PLCD4: variants seen among roughly 807,000 people sequenced by gnomAD.
PLCD4 encodes the protein 1-phosphatidylinositol 4,5-bisphosphate phosphodiesterase delta-4.
A neutral mutation model predicts 90.2 loss-of-function variants in PLCD4; 63 were observed. The ratio of observed to expected loss-of-function variants is 0.70; its 90% CI spans 0.57 to 0.86. PLCD4 has a LOEUF of 0.86. Among genes scored for constraint, PLCD4 ranks in the 40% least tolerant of loss-of-function variants. The pLI is 0.00. For missense variants in PLCD4, 830 were observed against 956.3 expected (o/e 0.87, Z 1.74); for synonymous variants, 294 against 356.5 (o/e 0.82, Z 1.97).
chr2:218,620,893 C>CAAAAAAAAAAAA, intron 4 of PLCD4, among the ~76,000 whole-genome samples: 1 of 61,894 alleles, frequency 1.6e-5, no homozygotes, highest in Non-Finnish European at 2.8e-5. Context: ...GACTCTGTCT[C>CAAAAAAAAAAAA]AAAAAAAAAA....
chr2:218,630,634 C>G lies in PLCD4; in HGVS notation c.1120-16C>G. The G allele has an allele frequency of 1.9e-6, 3 of 1,613,954 alleles. No homozygotes were observed. Among genetic ancestry groups the G allele is most frequent in the Non-Finnish European group, 1.7e-6 (2 of 1,179,864 alleles). The stretch of plus-strand genomic sequence containing the variant: ...TTTAGAACTCTGAATCCATTGTTCC[C>G]TCCCCTCACCACCAGACATCAGACT... On this transcript the variant is annotated splice_polypyrimidine_tract_variant and intron_variant, in intron 8 of 15. Transcript: ENST00000450993.
intron 1 of PLCD4, among the ~76,000 whole-genome samples, chr2:218,608,391 G>A (rs1695183610): frequency 1.3e-5 from 2 of 152,182 alleles, no homozygotes; most frequent in African/African-American, 4.8e-5. Flanking sequence ...GAGTAGCTAA[G>A]CTTTAGCATA....
chr2:218,609,393 A>G (rs183336074), intron 1 of PLCD4: 1 of 152,274 alleles, frequency 6.6e-6, no homozygotes, highest in Admixed American at 6.5e-5. Context: ...GAAATTGAGG[A>G]CCAAATTGCG....
intron 6 of PLCD4, among the ~76,000 whole-genome samples, chr2:218,627,705 G>C (rs1696179411): frequency 6.6e-6 from 1 of 152,068 alleles, no homozygotes; most frequent in Non-Finnish European, 1.5e-5. Context: ...GTAGAGATGG[G>C]GTTTCACCGT....
intron 4 of PLCD4, among the ~76,000 whole-genome samples, chr2:218,620,479 C>G (rs980290370): frequency 6.6e-6 from 1 of 151,520 alleles, no homozygotes; most frequent in Non-Finnish European, 1.5e-5. Flanking sequence ...CTAGCCTGGT[C>G]GACAGAGTTA....
rs1225108453 is a variant in PLCD4 at position 218,628,057 on chromosome 2, T to C, written c.801T>C (p.Asp267=). The change falls in exon 7 of 16, where the codon GAT becomes GAC. Residue 267 remains aspartate (D), a synonymous_variant. Coordinates refer to ENST00000450993, the MANE Select transcript of PLCD4 (RefSeq NM_032726.4). ...AACTGCGGCATGTGCTGAGTATGGA[T>C]GGCTTCCTCAGCTACCTCTGCTCTA... The part of the protein sequence containing the change: ...SGKLRHVLSM[D]GFLSYLCSKD... 1 of 1,613,932 alleles carries C rather than the reference T, an allele frequency of 6.2e-7. No individual in the cohort carries two copies. The highest frequency in any genetic ancestry group is 8.5e-7 in the Non-Finnish European group (1 of 1,179,856).
rs944125574 is a variant in PLCD4 at position 218,636,845 on chromosome 2, T to G, written c.*268T>G. ...TGTACTCTATACTGGAGTTCCCTTC[T>G]TCCTCTTGCTGTAGGCTCAATCCCA... On this transcript the variant is annotated 3_prime_UTR_variant, in exon 16 of 16. Transcript: ENST00000450993. The G allele has an allele frequency of 3.4e-5, 18 of 532,906 alleles. No individual in the cohort carries two copies. In the Middle Eastern group the frequency reaches 1.2e-3, roughly 34 times the overall value. 33.0% of individuals were successfully genotyped at this position (532,906 alleles called of 1,614,324 possible). A position where few individuals can be genotyped will look rare whatever the true frequency, so the allele number is the denominator to read the frequency against.
At chr2:218,625,981 C>T (rs1696099891) in intron 6 of PLCD4, among the ~76,000 whole-genome samples, 1 of 151,820 alleles carries the variant, frequency 6.6e-6, no homozygotes, top group Non-Finnish European at 1.5e-5. Context: ...ATGAAACTTC[C>T]ACCAGGTATG....
intron 6 of PLCD4, among the ~76,000 whole-genome samples, chr2:218,624,203 G>A (rs896212703): frequency 7.2e-5 from 11 of 152,206 alleles, no homozygotes; most frequent in Non-Finnish European, 1.0e-4. Context: ...AGCTGGACAA[G>A]TGATCAAGGT....
intron 14 of PLCD4, 32 bp downstream of exon 14, chr2:218,635,963 G>A: frequency 6.2e-7 from 1 of 1,613,798 alleles, no homozygotes; most frequent in Non-Finnish European, 8.5e-7. Context: ...GGAGGTGGGG[G>A]TAGGAGCATG....
intron 4 of PLCD4, among the ~76,000 whole-genome samples, chr2:218,621,151 C>T (rs1296051455): frequency 6.6e-6 from 1 of 152,080 alleles, no homozygotes; most frequent in South Asian, 2.1e-4. Flanking sequence ...AGGCTGGTCT[C>T]GAAACTCCTG....
chr2:218,612,128 T>C (rs1695367928), intron 1 of PLCD4, among the ~76,000 whole-genome samples: 1 of 149,138 alleles, frequency 6.7e-6, no homozygotes, highest in Non-Finnish European at 1.5e-5. Context: ...CAGGATGGTC[T>C]CGATCTCTTG....
At chr2:218,616,566 A>C (rs924073111) in intron 3 of PLCD4, among the ~76,000 whole-genome samples, 4 of 151,620 alleles carry the variant, frequency 2.6e-5, no homozygotes, top group African/African-American at 9.7e-5. Context: ...AAAAATAAAA[A>C]ATTAGCTGGG....
chr2:218,616,929 GAGAGA>G (rs1559264005), intron 3 of PLCD4, among the ~76,000 whole-genome samples: 2 of 9,492 alleles, frequency 2.1e-4, no homozygotes, highest in Admixed American at 3.5e-3. Context: ...TATATATATA[GAGAGA>G]GAGAGAGAGA....
chr2:218,625,455 G>A (rs1238577849), intron 6 of PLCD4, among the ~76,000 whole-genome samples: 1 of 152,198 alleles, frequency 6.6e-6, no homozygotes, highest in African/African-American at 2.4e-5. Context: ...ACAGAGAGTA[G>A]TATCAGTCAA....
At chr2:218,627,468 A>T (rs917495692) in intron 6 of PLCD4, among the ~76,000 whole-genome samples, 5 of 151,604 alleles carry the variant, frequency 3.3e-5, no homozygotes, top group Non-Finnish European at 5.9e-5. Flanking sequence ...AAAAAAAAAG[A>T]CATTTATCTC....
Position 218,628,239 on chromosome 2 carries a change from G to A in PLCD4, c.974+9G>A. 1 of 1,613,120 alleles carries A rather than the reference G, an allele frequency of 6.2e-7. No individual in the cohort carries two copies. Among genetic ancestry groups the A allele is most frequent in the Non-Finnish European group, 8.5e-7 (1 of 1,179,172 alleles). ...GTCGAGGGATATATACGGTGCAGTG[G>A]TGGTAGAGAAGGGGTCCAACTCATG... On this transcript the variant is annotated intron_variant, in intron 7 of 15. Coordinates refer to ENST00000450993, the MANE Select transcript of PLCD4 (RefSeq NM_032726.4).
intron 1 of PLCD4, among the ~76,000 whole-genome samples, chr2:218,611,604 TTTG>T (rs1215870254): frequency 6.6e-6 from 1 of 152,068 alleles, no homozygotes; most frequent in Non-Finnish European, 1.5e-5. Flanking sequence ...CTAAGAAATT[TTTG>T]TTGTTGTTTT....
intron 14 of PLCD4, 107 bp from the exon 15 acceptor site, chr2:218,636,136 C>G: frequency 7.1e-7 from 1 of 1,399,486 alleles, no homozygotes; most frequent in Non-Finnish European, 9.9e-7. Flanking sequence ...TTTTCCTTAC[C>G]TGTAAAATGC....
Sources: gnomAD v4.1 joint callset for allele counts (sites outside exome capture counted in the v4.1 genomes callset) on GRCh38, gnomAD v4.1.1 for gene constraint, MANE v1.5 for transcripts, NCBI Gene and HGNC (gene_info 2026-07-23, HGNC 2026-07-21) for gene names.